CSMD1: variants seen among roughly 807,000 people sequenced by gnomAD.
CSMD1 encodes CUB and sushi domain-containing protein 1.
In CSMD1, 213 loss-of-function variants were observed where a neutral mutation model predicts 417.5. The observed-to-expected ratio is 0.51, with a 90% CI of 0.46 to 0.57. CSMD1 has a LOEUF of 0.57. Ranked by LOEUF, CSMD1 falls within the 20% of genes least tolerant of loss-of-function variation. CSMD1 has a pLI of 0.00. For missense variants in CSMD1, 6,923 were observed against 4,529.7 expected (o/e 1.53, Z -15.17); for synonymous variants, 2,862 against 1,736.8 (o/e 1.65, Z -16.11).
At chr8:4,692,219 C>G (rs1806813718) in intron 1 of CSMD1, among the ~76,000 whole-genome samples, 1 of 152,094 alleles carries the variant, frequency 6.6e-6, no homozygotes, top group African/African-American at 2.4e-5. Flanking sequence ...ACTTACCGAC[C>G]TCACTCAAGT....
rs150761557 is a variant in CSMD1 at position 4,952,398 on chromosome 8, A to C, written c.85+41934T>G. ...AAATGTCCACACAGTTTCACACTTA[A>C]AAATTGTAAAATGGAAGAGTCTATA... On this transcript the variant is annotated intron_variant, in intron 1 of 69. Coordinates refer to ENST00000635120, the MANE Select transcript of CSMD1 (RefSeq NM_033225.6). Among the ~76,000 whole-genome samples the C allele has an allele frequency of 2.7e-3, 410 of 152,204 alleles. 1 individual carries two copies. The highest frequency in any genetic ancestry group is 9.5e-3 in the African/African-American group (393 of 41,572).
At chr8:3,887,987 T>C (rs1262763655) in intron 5 of CSMD1, among the ~76,000 whole-genome samples, 1 of 152,214 alleles carries the variant, frequency 6.6e-6, no homozygotes, top group Non-Finnish European at 1.5e-5. Flanking sequence ...TCAGGATTCT[T>C]ATCTGGTTAT....
chr8:3,341,495 G>A (rs1437894678), intron 23 of CSMD1, among the ~76,000 whole-genome samples: 1 of 152,182 alleles, frequency 6.6e-6, no homozygotes, highest in Non-Finnish European at 1.5e-5. Context: ...GGTTGGAAAC[G>A]TAATGAGAAA....
At chr8:3,323,192 A>G (rs925531276) in intron 23 of CSMD1, among the ~76,000 whole-genome samples, 4 of 152,208 alleles carry the variant, frequency 2.6e-5, no homozygotes, top group African/African-American at 7.2e-5. Flanking sequence ...GTGGGCATCT[A>G]TAATCTATGG....
chr8:3,746,532 A>G (rs1365580589), intron 6 of CSMD1, among the ~76,000 whole-genome samples: 1 of 152,222 alleles, frequency 6.6e-6, no homozygotes, highest in East Asian at 1.9e-4. Flanking sequence ...ATAAAAGTGC[A>G]CTGAATTAAA....
intron 3 of CSMD1, among the ~76,000 whole-genome samples, chr8:4,273,954 G>A (rs908613951): frequency 7.9e-5 from 12 of 152,118 alleles, no homozygotes; most frequent in Non-Finnish European, 1.5e-4. Flanking sequence ...GAAGTGTCCT[G>A]GGAGTATTCA....
At chr8:3,233,857 C>A (rs556404934) in intron 26 of CSMD1, among the ~76,000 whole-genome samples, 1 of 122,796 alleles carries the variant, frequency 8.1e-6, no homozygotes, top group Non-Finnish European at 1.8e-5. Context: ...AACAGAAAAC[C>A]TCCTTTTTTC....
chr8:3,602,172 T>C (rs1801394583), intron 8 of CSMD1, among the ~76,000 whole-genome samples: 1 of 152,206 alleles, frequency 6.6e-6, no homozygotes, highest in African/African-American at 2.4e-5. Flanking sequence ...TTATCACAAT[T>C]AAACATTCTC....
intron 5 of CSMD1, among the ~76,000 whole-genome samples, chr8:3,975,668 G>A (rs1006320017): frequency 5.3e-5 from 8 of 152,166 alleles, no homozygotes; most frequent in Non-Finnish European, 1.0e-4. Flanking sequence ...CCCGATTCAG[G>A]AAATGTACAG....
chr8:3,281,165 G>A (rs1057142609), intron 26 of CSMD1, among the ~76,000 whole-genome samples: 1 of 152,184 alleles, frequency 6.6e-6, no homozygotes, highest in African/African-American at 2.4e-5. Context: ...TAAACAGGCT[G>A]GGCGAGGTGG....
intron 3 of CSMD1, among the ~76,000 whole-genome samples, chr8:4,129,540 A>G (rs186704226): frequency 7.2e-5 from 11 of 151,942 alleles, no homozygotes; most frequent in Admixed American, 7.2e-4. Flanking sequence ...CGATTTTGAG[A>G]TTGGATTCCA....
intron 2 of CSMD1, among the ~76,000 whole-genome samples, chr8:4,435,950 G>C (rs1479092857): frequency 2.6e-5 from 4 of 152,084 alleles, no homozygotes; most frequent in African/African-American, 9.7e-5. Flanking sequence ...TACATTCTTA[G>C]CCTTTACATC....
intron 3 of CSMD1, among the ~76,000 whole-genome samples, chr8:4,294,546 A>G (rs1336320467): frequency 1.3e-5 from 2 of 152,158 alleles, no homozygotes; most frequent in Admixed American, 6.6e-5. Flanking sequence ...AACACAAATC[A>G]CTTGTCCATG....
chr8:2,996,732 A>T (rs1322943642), intron 54 of CSMD1, among the ~76,000 whole-genome samples: 1 of 152,208 alleles, frequency 6.6e-6, no homozygotes, highest in Non-Finnish European at 1.5e-5. Flanking sequence ...ATCTCCTCTT[A>T]TTTCTCGTGA....
chr8:3,420,573 G>A (rs1300660657), intron 12 of CSMD1, among the ~76,000 whole-genome samples: 6 of 151,882 alleles, frequency 4.0e-5, no homozygotes, highest in Non-Finnish European at 8.8e-5. Flanking sequence ...TACTATCTTT[G>A]CAACTTTTCT....
rs184947819 is a variant in CSMD1, at chr8:4,031,617, T to C, written c.610+288A>G. ...TCATAAACTTGCTATTGACTTTATGTGGTCCAAGCATGACTTTTCTCGTAT... is the reference window on the plus strand; with the variant it reads ...TCATAAACTTGCTATTGACTTTATGCGGTCCAAGCATGACTTTTCTCGTAT... On this transcript the variant is annotated intron_variant, in intron 4 of 69. Transcript: ENST00000635120. 1.2e-4 allele frequency among the ~76,000 whole-genome samples: 18 copies of C among 151,518 alleles called. No individual in the cohort carries two copies. In the Admixed American group the frequency reaches 1.2e-3, roughly 10 times the overall value.
intron 8 of CSMD1, among the ~76,000 whole-genome samples, chr8:3,590,106 A>G (rs955250499): frequency 2.0e-5 from 3 of 152,164 alleles, no homozygotes; most frequent in Admixed American, 6.5e-5. Flanking sequence ...AAAAATAAAA[A>G]TGACATGTAG....
At position 3,653,842 on chromosome 8, in the gene CSMD1, T is replaced by C. The variant is rs185966025; in HGVS notation, c.1010-37045A>G. On this transcript the variant is annotated intron_variant, in intron 7 of 69. Coordinates refer to ENST00000635120, the MANE Select transcript of CSMD1 (RefSeq NM_033225.6). Reference sequence around the variant, plus strand: ...TATTTGATAGATTTAAATATATATATTTATCTTCATTTACATTCCCAGAAA... The same window carrying C: ...TATTTGATAGATTTAAATATATATACTTATCTTCATTTACATTCCCAGAAA... Among the ~76,000 whole-genome samples the C allele has an allele frequency of 6.4e-4, 98 of 152,276 alleles. 1 individual carries two copies. Among genetic ancestry groups the C allele is most frequent in the Non-Finnish European group, 2.9e-5 (2 of 68,024 alleles).
intron 29 of CSMD1, among the ~76,000 whole-genome samples, chr8:3,217,808 A>G (rs928530121): frequency 2.6e-5 from 4 of 152,160 alleles, no homozygotes; most frequent in African/African-American, 4.8e-5. Context: ...AAAACTATAT[A>G]AACAGTTCTG....
Sources: gnomAD v4.1 joint callset for allele counts (sites outside exome capture counted in the v4.1 genomes callset) on GRCh38, gnomAD v4.1.1 for gene constraint, MANE v1.5 for transcripts, NCBI Gene and HGNC (gene_info 2026-07-23, HGNC 2026-07-21) for gene names.